Variants in OGT observed in about 807,000 individuals in gnomAD.
OGT encodes UDP-N-acetylglucosamine--peptide N-acetylglucosaminyltransferase 110 kDa subunit.
A neutral mutation model predicts 75.8 loss-of-function variants in OGT; 3 were observed. That is an observed-to-expected ratio of 0.04 (90% confidence interval 0.02 to 0.10). OGT has a LOEUF of 0.10. OGT is among the 10% of genes least tolerant of loss of function. OGT has a pLI of 1.00. For missense variants in OGT, 260 were observed against 824.4 expected (o/e 0.32, Z 8.38); for synonymous variants, 257 against 289.7 (o/e 0.89, Z 1.15).
In OGT at chrX:71,557,691, A is replaced by C. The variant is rs751760378; in HGVS notation, c.1602+19A>C. Reference sequence around the variant, plus strand: ...AGATAAGGTGTGATTCTTTTGTTTTAATCTTTTTGTTGTAAACTAAAACAC... The same window carrying C: ...AGATAAGGTGTGATTCTTTTGTTTTCATCTTTTTGTTGTAAACTAAAACAC... On this transcript the variant is annotated intron_variant, in intron 12 of 21. Coordinates refer to ENST00000373719, the MANE Select transcript of OGT (RefSeq NM_181672.3). The C allele has an allele frequency of 4.2e-5, 48 of 1,132,511 alleles. No individual in the cohort carries two copies. Among genetic ancestry groups the C allele is most frequent in the Non-Finnish European group, 5.4e-5 (46 of 849,894 alleles). The allele number at this position is 1,132,511 out of a possible 1,213,427, so 93.3% of individuals were successfully genotyped here.
intron 3 of OGT, among the ~76,000 whole-genome samples, chrX:71,543,790 A>G (rs1314882324): frequency 2.6e-5 from 2 of 76,253 alleles, no homozygotes; most frequent in African/African-American, 5.8e-5. Context: ...ATATATATAT[A>G]TATTTCCTTT....
At chrX:71,569,023 T>C (rs1331164819) in intron 21 of OGT, among the ~76,000 whole-genome samples, 1 of 111,653 alleles carries the variant, frequency 9.0e-6, no homozygotes, top group Non-Finnish European at 1.9e-5. Flanking sequence ...TCAGAGTTTT[T>C]AGAGCCTTAA....
chrX:71,540,755 C>A (rs1412631038), intron 3 of OGT, among the ~76,000 whole-genome samples: 1 of 108,693 alleles, frequency 9.2e-6, no homozygotes, highest in South Asian at 4.2e-4. Flanking sequence ...TCACTGCAAC[C>A]TCTGCCTCCT....
chrX:71,556,739 A>T lies in OGT; in HGVS notation c.1125A>T (p.Gly375=), dbSNP rs1007777038. ...SNLASVLQQQ[G]KLQEALMHYK... Reference sequence around the variant, plus strand: ...TAGCAAGTGTACTGCAGCAGCAGGGAAAACTGCAGGAAGCTCTGATGCATT... The same window carrying T: ...TAGCAAGTGTACTGCAGCAGCAGGGTAAACTGCAGGAAGCTCTGATGCATT... Residue 375 remains glycine (G), a synonymous_variant, in exon 9 of 22, where the codon GGA becomes GGT. Coordinates refer to ENST00000373719, the MANE Select transcript of OGT (RefSeq NM_181672.3). 10 of 1,200,927 alleles carry T rather than the reference A, an allele frequency of 8.3e-6. No homozygotes were observed. The African/African-American group carries it at 1.8e-4, about 21-fold the overall frequency.
intron 14 of OGT, among the ~76,000 whole-genome samples, chrX:71,560,445 A>C (rs1229423693): frequency 1.8e-5 from 2 of 110,783 alleles, no homozygotes; most frequent in East Asian, 5.6e-4. Context: ...TAATTTGCTG[A>C]GTATGTAGGC....
intron 1 of OGT, among the ~76,000 whole-genome samples, chrX:71,534,047 T>C (rs759569458): frequency 9.0e-6 from 1 of 111,006 alleles, no homozygotes; most frequent in African/African-American, 3.3e-5. Context: ...TCCCACCCTG[T>C]CCGCGGGGAA....
At chrX:71,553,913 T>C (rs1427495467) in intron 5 of OGT, among the ~76,000 whole-genome samples, 1 of 112,054 alleles carries the variant, frequency 8.9e-6, no homozygotes, top group Non-Finnish European at 1.9e-5. Context: ...AGGGTCTGAT[T>C]TAACTGGCCT....
intron 19 of OGT, among the ~76,000 whole-genome samples, chrX:71,567,187 T>C (rs1326115759): frequency 8.9e-6 from 1 of 112,550 alleles, no homozygotes; most frequent in Non-Finnish European, 1.9e-5. Context: ...GGTTGTATCA[T>C]AGTGGGGGAT....
intron 21 of OGT, among the ~76,000 whole-genome samples, chrX:71,572,362 T>A (rs1161559489): frequency 8.9e-6 from 1 of 112,529 alleles, no homozygotes; most frequent in Non-Finnish European, 1.9e-5. Flanking sequence ...CATAGAATTT[T>A]AAAAAAATAG....
intron 14 of OGT, among the ~76,000 whole-genome samples, 179 bp from the exon 15 acceptor site, chrX:71,561,596 G>A (rs998078420): frequency 9.0e-6 from 1 of 111,327 alleles, no homozygotes; most frequent in Non-Finnish European, 1.9e-5. Flanking sequence ...CCATTTTAAT[G>A]ACAGTCAACC....
Position 71,557,436 on chromosome X carries a change from A to C in OGT, c.1423-57A>C. 3.5e-6 allele frequency: 4 copies of C among 1,139,743 alleles called. No individual in the cohort carries two copies. In the South Asian group the frequency reaches 7.8e-5, roughly 22 times the overall value. 93.9% of individuals were successfully genotyped at this position (1,139,743 alleles called of 1,213,427 possible). A position where few individuals can be genotyped will look rare whatever the true frequency, so the allele number is the denominator to read the frequency against. ...ATTACTTTAGGCCAAAGACATATCA[A>C]ATATTAAATCCTGGGATAGGACTTT... On this transcript the variant is annotated intron_variant, in intron 11 of 21. Transcript: ENST00000373719.
intron 21 of OGT, 108 bp from the exon 22 acceptor site, chrX:71,573,505 TAGCGTAG>T: frequency 1.9e-6 from 1 of 538,220 alleles, no homozygotes; most frequent in African/African-American, 2.3e-5. Context: ...AGAAATGAGA[TAGCGTAG>T]AGTTTGGTCA....
rs181250449 is a variant in OGT, at chrX:71,571,459, G to A, written c.2967-2161G>A. On this transcript the variant is annotated intron_variant, in intron 21 of 21. Transcript: ENST00000373719. ...TCTGTTTCCCAGGCTGGAGTACAGTGATACGATCTCCGCTCACTGCAACTT... is the reference window on the plus strand; with the variant it reads ...TCTGTTTCCCAGGCTGGAGTACAGTAATACGATCTCCGCTCACTGCAACTT... 3.6e-5 allele frequency among the ~76,000 whole-genome samples: 4 copies of A among 112,348 alleles called. No individual in the cohort carries two copies. The Admixed American group carries it at 3.8e-4, about 11-fold the overall frequency.
At chrX:71,565,338 T>C (rs2040409774) in intron 19 of OGT, among the ~76,000 whole-genome samples, 2 of 111,367 alleles carry the variant, frequency 1.8e-5, no homozygotes, top group African/African-American at 3.3e-5. Flanking sequence ...GTTATTCTTG[T>C]GCCTCAGCCT....
chrX:71,554,652 G>A (rs1249386626), intron 6 of OGT, 60 bp downstream of exon 6: 9 of 913,200 alleles, frequency 9.9e-6, no homozygotes, highest in Non-Finnish European at 1.4e-5. Context: ...ACACTTGACA[G>A]TTTGGACCGA....
At chrX:71,542,893 A>G (rs2040229509) in intron 3 of OGT, among the ~76,000 whole-genome samples, 1 of 112,265 alleles carries the variant, frequency 8.9e-6, no homozygotes, top group African/African-American at 3.2e-5. Flanking sequence ...GGAGAAGTCA[A>G]ATAAGATTAA....
intron 15 of OGT, 86 bp from the exon 16 acceptor site, chrX:71,562,761 C>A: frequency 1.2e-6 from 1 of 860,102 alleles, no homozygotes; most frequent in Admixed American, 3.3e-5. Flanking sequence ...AAAAGTTGTA[C>A]ATATTTAATG....
intron 14 of OGT, among the ~76,000 whole-genome samples, chrX:71,560,275 C>CA (rs764918597): frequency 0.23 from 10,597 of 45,427 alleles, 1,204 homozygotes; most frequent in East Asian, 0.53. Flanking sequence ...GACTCTGTCT[C>CA]AAAAAAAAAA....
chrX:71,568,163 A>C, intron 21 of OGT, 47 bp downstream of exon 21: 2 of 1,066,154 alleles, frequency 1.9e-6, no homozygotes, highest in Non-Finnish European at 2.5e-6. Context: ...AGTAGAGAGA[A>C]TATAGCTGTT....
Sources: gnomAD v4.1 joint callset for allele counts (sites outside exome capture counted in the v4.1 genomes callset) on GRCh38, gnomAD v4.1.1 for gene constraint, MANE v1.5 for transcripts, NCBI Gene and HGNC (gene_info 2026-07-23, HGNC 2026-07-21) for gene names.